The following PALLD variants were observed in gnomAD, a reference collection of about 807,000 sequenced individuals.
PALLD encodes the protein palladin.
A neutral mutation model predicts 123.5 loss-of-function variants in PALLD; 61 were observed. That is an observed-to-expected ratio of 0.49 (90% CI 0.40 to 0.61). PALLD has a LOEUF of 0.61. Ranked by LOEUF, PALLD falls within the 20% of genes least tolerant of loss-of-function variation. The pLI, the probability that PALLD is intolerant of heterozygous loss-of-function variation, is 0.00. For synonymous variants in PALLD, 465 were observed against 496.4 expected (o/e 0.94, Z 0.84); for missense variants, 1,273 against 1,377.0 (o/e 0.92, Z 1.20).
At chr4:168,626,136 G>A (rs1378895164) in intron 2 of PALLD, among the ~76,000 whole-genome samples, 1 of 151,512 alleles carries the variant, frequency 6.6e-6, no homozygotes, top group East Asian at 1.9e-4. Context: ...CGTAGTGGCG[G>A]GCACCTGTAA....
At chr4:168,687,754 T>C (rs1418882227) in intron 6 of PALLD, among the ~76,000 whole-genome samples, 1 of 152,202 alleles carries the variant, frequency 6.6e-6, no homozygotes, top group African/African-American at 2.4e-5. Flanking sequence ...TCCCGCAACA[T>C]AGACTTTCTA....
chr4:168,606,471 G>A (rs372264146), intron 2 of PALLD, among the ~76,000 whole-genome samples: 6 of 149,652 alleles, frequency 4.0e-5, no homozygotes, highest in South Asian at 4.2e-4. Context: ...TCAGGAGATC[G>A]AGACCATCCT....
intron 2 of PALLD, among the ~76,000 whole-genome samples, chr4:168,540,349 AT>A (rs1765497742): frequency 6.6e-6 from 1 of 152,154 alleles, no homozygotes; most frequent in Non-Finnish European, 1.5e-5. Flanking sequence ...TGGGTGATTC[AT>A]TTGATTTGTG....
chr4:168,802,897 G>C (rs924216025), intron 10 of PALLD, among the ~76,000 whole-genome samples: 3 of 152,212 alleles, frequency 2.0e-5, no homozygotes, highest in Admixed American at 6.5e-5. Flanking sequence ...TCTCCATGTT[G>C]CTGAGGCTGG....
At chr4:168,554,726 A>G (rs746929571) in intron 2 of PALLD, among the ~76,000 whole-genome samples, 4 of 152,192 alleles carry the variant, frequency 2.6e-5, no homozygotes, top group Non-Finnish European at 4.4e-5. Flanking sequence ...TTTGCTTTAT[A>G]TATCTTTCGT....
At chr4:168,529,942 G>A (rs553354021) in intron 2 of PALLD, among the ~76,000 whole-genome samples, 25 of 152,172 alleles carry the variant, frequency 1.6e-4, no homozygotes, top group South Asian at 6.2e-4. Flanking sequence ...ATGTGTAAAC[G>A]TCAAACTAAT....
intron 8 of PALLD, among the ~76,000 whole-genome samples, chr4:168,692,799 G>T (rs186695487): frequency 2.6e-5 from 4 of 152,280 alleles, no homozygotes; most frequent in African/African-American, 7.2e-5. Flanking sequence ...TTTTGGATTC[G>T]GAGTGAACTC....
At chr4:168,606,449 T>A (rs1402387391) in intron 2 of PALLD, among the ~76,000 whole-genome samples, 1 of 151,558 alleles carries the variant, frequency 6.6e-6, no homozygotes, top group Non-Finnish European at 1.5e-5. Context: ...CCGAGGAGGG[T>A]GGATCACGAG....
chr4:168,892,834 T>C (rs1298262993), intron 11 of PALLD, among the ~76,000 whole-genome samples: 1 of 152,104 alleles, frequency 6.6e-6, no homozygotes, highest in Non-Finnish European at 1.5e-5. Flanking sequence ...ATTATATATA[T>C]TGTATGTATA....
At chr4:168,671,509 T>C (rs1349043619) in intron 3 of PALLD, among the ~76,000 whole-genome samples, 2 of 152,128 alleles carry the variant, frequency 1.3e-5, no homozygotes, top group Non-Finnish European at 2.9e-5. Flanking sequence ...TTAGATAAAT[T>C]GAAGGGAGAG....
At chr4:168,517,962 A>G (rs1347239535) in intron 2 of PALLD, among the ~76,000 whole-genome samples, 1 of 152,224 alleles carries the variant, frequency 6.6e-6, no homozygotes, top group Non-Finnish European at 1.5e-5. Flanking sequence ...CTTTATAGAT[A>G]CACAACTGCC....
At chr4:168,780,090 G>A (rs1412067186) in intron 10 of PALLD, among the ~76,000 whole-genome samples, 2 of 151,958 alleles carry the variant, frequency 1.3e-5, no homozygotes, top group African/African-American at 4.8e-5. Flanking sequence ...GTAGAGATGG[G>A]GTTTCACCAT....
At chr4:168,619,774 C>T (rs1187239447) in intron 2 of PALLD, among the ~76,000 whole-genome samples, 3 of 152,140 alleles carry the variant, frequency 2.0e-5, no homozygotes, top group African/African-American at 4.8e-5. Context: ...CTTCTTATTG[C>T]TAGTGAATTC....
At chr4:168,529,289 A>G (rs1764373119) in intron 2 of PALLD, among the ~76,000 whole-genome samples, 1 of 151,796 alleles carries the variant, frequency 6.6e-6, no homozygotes, top group African/African-American at 2.4e-5. Context: ...GTGAGCTGAG[A>G]TTGTGCCACT....
intron 10 of PALLD, among the ~76,000 whole-genome samples, chr4:168,782,159 G>A (rs1736012660): frequency 3.9e-5 from 6 of 152,164 alleles, no homozygotes. Flanking sequence ...ACAACCGTGT[G>A]ACACATTCAA....
chr4:168,690,203 A>C (rs967596028), intron 6 of PALLD, among the ~76,000 whole-genome samples: 5 of 152,222 alleles, frequency 3.3e-5, no homozygotes, highest in Admixed American at 2.0e-4. Context: ...TCTGGTTTTC[A>C]TAAGAATCTA....
chr4:168,775,976 C>G (rs1164701751), intron 10 of PALLD, among the ~76,000 whole-genome samples: 1 of 152,176 alleles, frequency 6.6e-6, no homozygotes, highest in African/African-American at 2.4e-5. Flanking sequence ...AGCCTCTCAC[C>G]TTTGTTCAAT....
intron 2 of PALLD, among the ~76,000 whole-genome samples, chr4:168,650,144 A>G (rs1397922287): frequency 6.6e-6 from 1 of 152,228 alleles, no homozygotes; most frequent in African/African-American, 2.4e-5. Flanking sequence ...ACTGCACTCC[A>G]GCCTAGGCGA....
chr4:168,787,379 G>A (rs756953012), intron 10 of PALLD, among the ~76,000 whole-genome samples: 16 of 152,120 alleles, frequency 1.1e-4, no homozygotes, highest in Admixed American at 2.0e-4. Flanking sequence ...TAATAAGTGC[G>A]GTTTATCTGG....
Sources: allele counts gnomAD v4.1 joint callset (sites outside exome capture counted in the v4.1 genomes callset), GRCh38; gene constraint gnomAD v4.1.1; transcripts MANE v1.5; gene names NCBI Gene and HGNC (gene_info 2026-07-23, HGNC 2026-07-21).